Variants in LRRD1 observed in about 807,000 individuals in gnomAD.
LRRD1 encodes leucine-rich repeat and death domain-containing protein 1.
LRRD1 carries 49 observed loss-of-function variants against 69.5 expected under a neutral mutation model. The observed-to-expected ratio is 0.70, with a 90% CI of 0.56 to 0.89. LRRD1 has a LOEUF of 0.89. Among genes scored for constraint, LRRD1 ranks in the 40% least tolerant of loss-of-function variants. LRRD1 has a pLI of 0.00. For missense variants in LRRD1, 853 were observed against 956.0 expected (o/e 0.89, Z 1.42); for synonymous variants, 303 against 338.9 (o/e 0.89, Z 1.16).
intron 2 of LRRD1, among the ~76,000 whole-genome samples, chr7:92,162,089 T>G (rs1788804731): frequency 6.6e-6 from 1 of 152,214 alleles, no homozygotes; most frequent in Non-Finnish European, 1.5e-5. Flanking sequence ...GATATAAAAA[T>G]TGTCTGTTAG....
chr7:92,167,876 C>CAAAAAAAAAAAAAA (rs542619786), intron 1 of LRRD1, among the ~76,000 whole-genome samples: 15 of 46,200 alleles, frequency 3.2e-4, no homozygotes, highest in African/African-American at 1.0e-3. Context: ...GACTCTGTCT[C>CAAAAAAAAAAAAAA]AAAAAAAAAA....
Position 92,179,001 on chromosome 7 carries a change from C to T in LRRD1, c.-75+6G>A, listed in dbSNP as rs369405148. ...CTGCTGAAGTAAGACACACCCTTCG[C>T]TTCACCTGTGGCCTCCCGCGGCGGC... is the stretch of plus-strand genomic sequence containing the variant. On this transcript the variant is annotated splice_donor_region_variant and intron_variant, in intron 1 of 5. Transcript: ENST00000458448. 10 of 152,466 alleles carry T rather than the reference C, an allele frequency of 6.6e-5. No individual in the cohort carries two copies. Among genetic ancestry groups the T allele is most frequent in the African/African-American group, 2.2e-4 (9 of 41,594 alleles). 9.4% of individuals were successfully genotyped at this position (152,466 alleles called of 1,614,324 possible). A position where few individuals can be genotyped will look rare whatever the true frequency, so the allele number is the denominator to read the frequency against.
chr7:92,143,648 G>A (rs571462187), downstream of LRRD1, among the ~76,000 whole-genome samples: 16 of 152,238 alleles, frequency 1.1e-4, no homozygotes, highest in African/African-American at 2.9e-4. Flanking sequence ...ACGCGCACCC[G>A]GAACTCGCGC....
intron 3 of LRRD1, among the ~76,000 whole-genome samples, chr7:92,158,491 T>A (rs1244860660): frequency 6.6e-6 from 1 of 152,120 alleles, no homozygotes; most frequent in Non-Finnish European, 1.5e-5. Context: ...CAGTATTTGT[T>A]GTACTTTGGG....
chr7:92,174,880 G>A (rs999026361), intron 1 of LRRD1, among the ~76,000 whole-genome samples: 2 of 151,712 alleles, frequency 1.3e-5, no homozygotes, highest in African/African-American at 2.4e-5. Context: ...TGGCCAACAT[G>A]GAGAAACCCC....
At chr7:92,174,486 TATATATATATATATATATATATA>T (rs1789125712) in intron 1 of LRRD1, among the ~76,000 whole-genome samples, 1 of 16,304 alleles carries the variant, frequency 6.1e-5, no homozygotes, top group Non-Finnish European at 1.5e-4. Flanking sequence ...TATATATATA[TATATATATATATATATATATATA>T]TTTTTTTTTT....
chr7:92,146,365 C>A (rs1348495025), intron 4 of LRRD1, among the ~76,000 whole-genome samples, 165 bp from the exon 5 acceptor site: 1 of 152,164 alleles, frequency 6.6e-6, no homozygotes, highest in Non-Finnish European at 1.5e-5. Flanking sequence ...CGCCTGTAAT[C>A]CCAGCACTTT....
intron 3 of LRRD1, among the ~76,000 whole-genome samples, chr7:92,151,558 G>T (rs1388657690): frequency 6.6e-6 from 1 of 152,132 alleles, no homozygotes; most frequent in African/African-American, 2.4e-5. Flanking sequence ...TTCTTTGGAA[G>T]TAAGTCACTA....
intron 1 of LRRD1, among the ~76,000 whole-genome samples, chr7:92,167,083 C>A (rs1353990182): frequency 6.6e-6 from 1 of 150,582 alleles, no homozygotes; most frequent in East Asian, 2.0e-4. Context: ...TCAACATACA[C>A]AAGTCAATTT....
downstream of LRRD1, among the ~76,000 whole-genome samples, chr7:92,143,891 A>G (rs1820242964): frequency 6.6e-6 from 1 of 152,224 alleles, no homozygotes; most frequent in African/African-American, 2.4e-5. Context: ...ACCTCTCAAA[A>G]TGGCTTTTCC....
chr7:92,174,502 TATA>T (rs1433441874), intron 1 of LRRD1, among the ~76,000 whole-genome samples: 56 of 21,308 alleles, frequency 2.6e-3, no homozygotes, highest in Non-Finnish European at 3.5e-3. Flanking sequence ...TATATATATA[TATA>T]TATATTTTTT....
Position 92,164,092 on chromosome 7 carries a change from A to C in LRRD1, c.1111T>G (p.Phe371Val). 6.5e-7 allele frequency: 1 copy of C among 1,548,508 alleles called. No homozygotes were observed. The highest frequency in any genetic ancestry group is 1.4e-5 in the African/African-American group (1 of 72,970). ...LEVISHKIEN[F>V]RELRILILDK... is the part of the protein sequence containing the mutation. The stretch of plus-strand genomic sequence containing the variant: ...AGTATAAGAATCCTAAGTTCCCTGA[A>C]ATTCTCAATTTTGTGTGAAATAACT... The change falls in exon 2 of 6, where the codon TTC (phenylalanine) becomes GTC (valine). Residue 371 changes from phenylalanine to valine, a missense_variant. Transcript: ENST00000458448.
intron 4 of LRRD1, among the ~76,000 whole-genome samples, chr7:92,148,446 T>C (rs1049109624): frequency 4.0e-5 from 6 of 148,648 alleles, no homozygotes. Flanking sequence ...GTTTTATATA[T>C]ACTCTCTCAG....
rs1031464904 is a variant in LRRD1, at chr7:92,164,198, G to A, written c.1005C>T (p.His335=). 2.6e-6 allele frequency: 4 copies of A among 1,549,378 alleles called. No homozygotes were observed. In the African/African-American group the frequency reaches 5.5e-5, roughly 21 times the overall value. The change falls in exon 2 of 6, where the codon CAC becomes CAT. Residue 335 remains histidine (H), a synonymous_variant. Transcript: ENST00000458448. ...LKNLETLLMD[H]NKLTFLAVEI... is the part of the protein sequence containing the mutation. ...CTACAGCCAGAAAGGTAAGCTTATT[G>A]TGATCCATTAAAAGTGTTTCTAAAT...
chr7:92,174,505 A>T (rs1479235057), intron 1 of LRRD1, among the ~76,000 whole-genome samples: 730 of 19,170 alleles, frequency 0.038, 34 homozygotes, highest in African/African-American at 0.11. Flanking sequence ...ATATATATAT[A>T]TATATTTTTT....
chr7:92,141,797 G>T (rs1158799822), downstream of LRRD1: 1 of 152,214 alleles, frequency 6.6e-6, no homozygotes, highest in Non-Finnish European at 1.5e-5. Context: ...GACACAGGCT[G>T]TATAGTTGTT....
At chr7:92,176,565 AT>A (rs71107853) in intron 1 of LRRD1, among the ~76,000 whole-genome samples, 5,421 of 143,426 alleles carry the variant, frequency 0.038, 177 homozygotes, top group East Asian at 0.1. Flanking sequence ...AGATTCTCTC[AT>A]TTTTTTTTTT....
chr7:92,171,980 C>G (rs1789066817), intron 1 of LRRD1, among the ~76,000 whole-genome samples: 1 of 152,158 alleles, frequency 6.6e-6, no homozygotes, highest in African/African-American at 2.4e-5. Flanking sequence ...CCCAAATTAG[C>G]TGGTGTGTTG....
intron 1 of LRRD1, among the ~76,000 whole-genome samples, chr7:92,175,973 A>G (rs1243434144): frequency 6.6e-6 from 1 of 152,220 alleles, no homozygotes; most frequent in African/African-American, 2.4e-5. Flanking sequence ...TATCAATACC[A>G]CATGTTTTAA....
Sources: gnomAD v4.1 joint callset for allele counts (sites outside exome capture counted in the v4.1 genomes callset) on GRCh38, gnomAD v4.1.1 for gene constraint, MANE v1.5 for transcripts, NCBI Gene and HGNC (gene_info 2026-07-23, HGNC 2026-07-21) for gene names.